PTPN9: variants seen among roughly 807,000 people sequenced by gnomAD.
PTPN9 encodes tyrosine-protein phosphatase non-receptor type 9.
In PTPN9, 26 loss-of-function variants were observed where a neutral mutation model predicts 69.8. That is an observed-to-expected ratio of 0.37 (90% CI 0.27 to 0.52). The LOEUF is 0.52. Ranked by LOEUF, PTPN9 falls within the 20% of genes least tolerant of loss-of-function variation. PTPN9 has a pLI of 0.91. For missense variants in PTPN9, 549 were observed against 740.3 expected, an observed-to-expected ratio of 0.74 and a Z score of 3.00; for synonymous variants, 274 against 272.5, an observed-to-expected ratio of 1.01 and a Z score of -0.05.
rs74023999 is a variant in PTPN9 at position 75,470,062 on chromosome 15, G to C, written c.1360-63C>G. ...TTCTGCCTGCCCCTAGCTACCTCTG[G>C]CTTTTCCAGATTCTCAACACCCTGG... On this transcript the variant is annotated intron_variant, in intron 11 of 12. Transcript: ENST00000618819. The C allele has an allele frequency of 7.7e-3, 11,092 of 1,443,110 alleles. 722 individuals carry two copies. In the African/African-American group the frequency reaches 0.14, roughly 18 times the overall value. The allele number at this position is 1,443,110 out of a possible 1,614,324, so 89.4% of individuals were successfully genotyped here.
intron 4 of PTPN9, among the ~76,000 whole-genome samples, chr15:75,521,800 G>A (rs1054830511): frequency 5.9e-5 from 9 of 152,156 alleles, no homozygotes; most frequent in Admixed American, 3.9e-4. Flanking sequence ...TGAAGAAGAC[G>A]GATGATGGAT....
Position 75,578,838 on chromosome 15 carries a change from C to T in PTPN9, c.-62G>A. ...CGCGAGCGCGGGAGCCCGGCGCGCT[C>T]GGCCTCCGCTTCCGCGTCCCCGCGC... On this transcript the variant is annotated 5_prime_UTR_variant, in exon 1 of 13. Transcript: ENST00000618819. 8.9e-7 allele frequency: 1 copy of T among 1,118,458 alleles called. No individual in the cohort carries two copies. 69.3% of individuals were successfully genotyped at this position (1,118,458 alleles called of 1,614,324 possible).
intron 5 of PTPN9, chr15:75,512,717 C>T (rs2074850582): frequency 4.6e-6 from 1 of 219,354 alleles, no homozygotes; most frequent in African/African-American, 2.4e-5. Context: ...GAAAAACAAA[C>T]AAATCTTTAT....
At chr15:75,486,099 C>CAAAAAA (rs571404981) in intron 8 of PTPN9, among the ~76,000 whole-genome samples, 11 of 86,956 alleles carry the variant, frequency 1.3e-4, no homozygotes, top group Middle Eastern at 5.6e-3. Flanking sequence ...GACTCCAACT[C>CAAAAAA]AAAAAAAAAA....
At chr15:75,518,236 G>A (rs2074881801) in intron 4 of PTPN9, among the ~76,000 whole-genome samples, 2 of 151,952 alleles carry the variant, frequency 1.3e-5, no homozygotes, top group African/African-American at 4.8e-5. Flanking sequence ...CTACTTGGGA[G>A]GCTCAGGTGG....
chr15:75,504,770 C>G (rs1348869589), intron 7 of PTPN9, among the ~76,000 whole-genome samples: 4 of 144,842 alleles, frequency 2.8e-5, no homozygotes, highest in Admixed American at 1.4e-4. Context: ...CCCCTCTGCC[C>G]GGCCAGCCGC....
intron 8 of PTPN9, among the ~76,000 whole-genome samples, chr15:75,485,622 G>A (rs1243037283): frequency 4.1e-5 from 6 of 147,288 alleles, no homozygotes; most frequent in Middle Eastern, 3.8e-3. Flanking sequence ...CACCCGCCTC[G>A]GCCTCCCAAA....
At chr15:75,490,877 G>A (rs1319033807) in intron 7 of PTPN9, among the ~76,000 whole-genome samples, 3 of 152,052 alleles carry the variant, frequency 2.0e-5, no homozygotes, top group Non-Finnish European at 4.4e-5. Flanking sequence ...TGCCCGCCTC[G>A]GCCTCCCAAA....
intron 1 of PTPN9, among the ~76,000 whole-genome samples, chr15:75,572,004 A>G (rs2075150457): frequency 6.6e-6 from 1 of 152,110 alleles, no homozygotes; most frequent in Non-Finnish European, 1.5e-5. Flanking sequence ...GAACAGCTAT[A>G]ATTATACAGA....
chr15:75,493,878 A>T (rs967282638), intron 7 of PTPN9, among the ~76,000 whole-genome samples: 4 of 152,086 alleles, frequency 2.6e-5, no homozygotes, highest in African/African-American at 9.7e-5. Flanking sequence ...TTGTAAATGA[A>T]GTTTTACTGG....
chr15:75,475,063 G>A lies in PTPN9; in HGVS notation c.1130-1296C>T, dbSNP rs563169671. Among the ~76,000 whole-genome samples the A allele has an allele frequency of 2.6e-5, 4 of 152,220 alleles. No homozygotes were observed. In the South Asian group the frequency reaches 8.3e-4, roughly 32 times the overall value. ...CTCTTTTGCTTTTGATGGCACAGCT[G>A]GATCTATACAGGTTGACCATTTAAT... On this transcript the variant is annotated intron_variant, in intron 9 of 12. Transcript: ENST00000618819.
chr15:75,550,925 C>T (rs561449667), intron 1 of PTPN9, among the ~76,000 whole-genome samples: 1 of 152,064 alleles, frequency 6.6e-6, no homozygotes, highest in Non-Finnish European at 1.5e-5. Flanking sequence ...GGATTACAGG[C>T]ATGAGTCAAT....
At chr15:75,482,564 C>CAAAAAAAAA (rs145653223) in intron 8 of PTPN9, among the ~76,000 whole-genome samples, 21 of 35,404 alleles carry the variant, frequency 5.9e-4, no homozygotes, top group Non-Finnish European at 7.7e-4. Flanking sequence ...GACTCCGTCT[C>CAAAAAAAAA]AAAAAAAAAA....
rs560800695 is a variant in PTPN9 at position 75,502,500 on chromosome 15, G to A, written c.968+3175C>T. Among the ~76,000 whole-genome samples the A allele has an allele frequency of 5.3e-5, 8 of 152,030 alleles. No individual in the cohort carries two copies. The South Asian group carries it at 6.2e-4, about 12-fold the overall frequency. On this transcript the variant is annotated intron_variant, in intron 7 of 12. Transcript: ENST00000618819. ...AGGAAGGAAGGAATTACAGGTGTGC[G>A]CCACCACACCCAGCTAATTTGTGTG...
At chr15:75,537,753 CAAAAAAA>C (rs1164644727) in intron 1 of PTPN9, among the ~76,000 whole-genome samples, 32 of 11,390 alleles carry the variant, frequency 2.8e-3, no homozygotes, top group African/African-American at 0.01. Flanking sequence ...GACTCCATCT[CAAAAAAA>C]AAAAAAAAAA....
chr15:75,513,310 T>C (rs1253552601), intron 5 of PTPN9: 1 of 456,120 alleles, frequency 2.2e-6, no homozygotes, highest in South Asian at 1.5e-5. Context: ...GTTGCATCTT[T>C]GAAGGAAAAG....
At chr15:75,527,089 C>T in intron 2 of PTPN9, 29 bp downstream of exon 2, 1 of 1,613,478 alleles carries the variant, frequency 6.2e-7, no homozygotes. Context: ...CCAACTGCCA[C>T]AGGTCTGGTC....
chr15:75,550,139 CA>C (rs1311307838), intron 1 of PTPN9, among the ~76,000 whole-genome samples: 9 of 150,674 alleles, frequency 6.0e-5, no homozygotes, highest in African/African-American at 1.9e-4. Context: ...CTGAGAACTC[CA>C]AGGCAGCCTG....
chr15:75,508,986 C>T lies in PTPN9; in HGVS notation c.570G>A (p.Gly190=), dbSNP rs774556255. ...AGGGCACTCGGAACCATATGGGTGCCCCCACAATCAGCACCTTCTTCAAAC... is the reference window on the plus strand; with the variant it reads ...AGGGCACTCGGAACCATATGGGTGCTCCCACAATCAGCACCTTCTTCAAAC... ...PARLKKVLIV[G]APIWFRVPYS... is the part of the protein sequence containing the mutation. The change falls in exon 6 of 13, where the codon GGG becomes GGA. Residue 190 remains glycine, a synonymous_variant. Transcript: ENST00000618819. 5 of 1,614,066 alleles carry T rather than the reference C, an allele frequency of 3.1e-6. No individual in the cohort carries two copies. Among genetic ancestry groups the T allele is most frequent in the East Asian group, 4.5e-5 (2 of 44,884 alleles).
Sources: allele counts gnomAD v4.1 joint callset (sites outside exome capture counted in the v4.1 genomes callset), GRCh38; gene constraint gnomAD v4.1.1; transcripts MANE v1.5; gene names NCBI Gene and HGNC (gene_info 2026-07-23, HGNC 2026-07-21).